ASTN2: variants seen among roughly 807,000 people sequenced by gnomAD.
ASTN2 encodes the protein astrotactin-2.
In ASTN2, 54 loss-of-function variants were observed where a neutral mutation model predicts 139.8. The observed-to-expected ratio is 0.39, with a 90% CI of 0.31 to 0.48. ASTN2 has a LOEUF of 0.48. Among genes scored for constraint, ASTN2 ranks in the 20% least tolerant of loss-of-function variants. The pLI is 0.95. For synonymous variants in ASTN2, 756 were observed against 719.5 expected, an observed-to-expected ratio of 1.05 and a Z score of -0.81; for missense variants, 1,565 against 1,725.1, an observed-to-expected ratio of 0.91 and a Z score of 1.64.
chr9:116,771,617 G>A (rs1829955632), intron 13 of ASTN2, among the ~76,000 whole-genome samples: 1 of 152,156 alleles, frequency 6.6e-6, no homozygotes, highest in African/African-American at 2.4e-5. Flanking sequence ...ATCTCAGTGT[G>A]TACTGTCTTT....
At chr9:116,647,958 G>T (rs1436285771) in intron 17 of ASTN2, among the ~76,000 whole-genome samples, 1 of 151,692 alleles carries the variant, frequency 6.6e-6, no homozygotes, top group Non-Finnish European at 1.5e-5. Context: ...CTCCAGAGTA[G>T]CTGGATGACA....
intron 2 of ASTN2, among the ~76,000 whole-genome samples, chr9:117,250,583 A>G (rs1286645663): frequency 6.6e-6 from 1 of 152,192 alleles, no homozygotes; most frequent in African/African-American, 2.4e-5. Context: ...AATTCCATAA[A>G]CACCAATGAA....
At chr9:117,263,328 T>C (rs1833869222) in intron 2 of ASTN2, among the ~76,000 whole-genome samples, 1 of 152,176 alleles carries the variant, frequency 6.6e-6, no homozygotes, top group African/African-American at 2.4e-5. Context: ...TAACTATTCC[T>C]GAAATTAAAA....
chr9:117,318,387 C>A (rs1306503015), intron 1 of ASTN2, among the ~76,000 whole-genome samples: 2 of 152,270 alleles, frequency 1.3e-5, no homozygotes, highest in Non-Finnish European at 1.5e-5. Flanking sequence ...CTGAATCCAA[C>A]ATGACCACAG....
At chr9:117,082,983 T>C (rs1828468349) in intron 5 of ASTN2, among the ~76,000 whole-genome samples, 1 of 152,218 alleles carries the variant, frequency 6.6e-6, no homozygotes, top group Admixed American at 6.5e-5. Flanking sequence ...ATGAGTCTCC[T>C]GATTACATTA....
At chr9:116,517,766 A>T (rs1167673599) in intron 19 of ASTN2, among the ~76,000 whole-genome samples, 1 of 152,140 alleles carries the variant, frequency 6.6e-6, no homozygotes, top group African/African-American at 2.4e-5. Context: ...ATGATACAGG[A>T]TATGAAAGGA....
rs530185555 is a variant in ASTN2 at position 116,881,044 on chromosome 9, T to C, written c.1890-17311A>G. Among the ~76,000 whole-genome samples, 6 of 151,938 alleles carry C rather than the reference T, an allele frequency of 3.9e-5. 1 individual carries two copies. The South Asian group carries it at 1.2e-3, about 32-fold the overall frequency. On this transcript the variant is annotated intron_variant, in intron 10 of 22. Coordinates refer to ENST00000313400, the MANE Select transcript of ASTN2 (RefSeq NM_001365068.1). ...GCCACACATGGATCTTGAAGAAAGA[T>C]GAGAACATGAGGAGGAGAAAAGGAA... is the stretch of plus-strand genomic sequence containing the variant.
chr9:117,320,887 C>G (rs1425588260), intron 1 of ASTN2, among the ~76,000 whole-genome samples: 1 of 152,192 alleles, frequency 6.6e-6, no homozygotes, highest in African/African-American at 2.4e-5. Flanking sequence ...TGTGATGGCA[C>G]AGATCAAAGG....
chr9:117,412,358 A>C (rs1334622713), intron 1 of ASTN2, among the ~76,000 whole-genome samples: 1 of 152,144 alleles, frequency 6.6e-6, no homozygotes, highest in African/African-American at 2.4e-5. Flanking sequence ...GGGACCGTGC[A>C]TCAGAGGAGG....
intron 6 of ASTN2, among the ~76,000 whole-genome samples, chr9:117,008,904 T>C (rs1588476877): frequency 1.3e-5 from 2 of 152,106 alleles, no homozygotes; most frequent in East Asian, 1.9e-4. Flanking sequence ...CAGAAAGATA[T>C]AGAGAGACAG....
chr9:116,632,580 G>T (rs1191244254), intron 17 of ASTN2, among the ~76,000 whole-genome samples: 1 of 152,160 alleles, frequency 6.6e-6, no homozygotes, highest in Non-Finnish European at 1.5e-5. Flanking sequence ...GCCATAGCCT[G>T]TCCCAGTCCT....
At chr9:116,935,460 A>G (rs1175903322) in intron 10 of ASTN2, among the ~76,000 whole-genome samples, 2 of 152,232 alleles carry the variant, frequency 1.3e-5, no homozygotes, top group Non-Finnish European at 1.5e-5. Flanking sequence ...GAAGACACTC[A>G]GTAAATGTGA....
chr9:116,668,548 A>G (rs999727404), intron 16 of ASTN2, among the ~76,000 whole-genome samples: 7 of 152,354 alleles, frequency 4.6e-5, no homozygotes, highest in Admixed American at 1.3e-4. Flanking sequence ...TTCATGGTTT[A>G]GAAGCTCATT....
intron 4 of ASTN2, among the ~76,000 whole-genome samples, chr9:117,106,596 T>A (rs1343414379): frequency 2.0e-5 from 3 of 152,200 alleles, no homozygotes; most frequent in Admixed American, 2.0e-4. Flanking sequence ...ATTGTAGAAA[T>A]GTTTTCAAAA....
intron 3 of ASTN2, among the ~76,000 whole-genome samples, chr9:117,194,795 C>A (rs1248521962): frequency 6.6e-6 from 1 of 152,134 alleles, no homozygotes; most frequent in Non-Finnish European, 1.5e-5. Flanking sequence ...GAGATGATAT[C>A]TAGATTTTGA....
At chr9:117,123,695 T>C (rs1456286598) in intron 4 of ASTN2, among the ~76,000 whole-genome samples, 1 of 152,088 alleles carries the variant, frequency 6.6e-6, no homozygotes, top group Non-Finnish European at 1.5e-5. Flanking sequence ...CTCAGAGAGG[T>C]AATTACATTA....
intron 16 of ASTN2, among the ~76,000 whole-genome samples, chr9:116,684,401 T>C (rs866410948): frequency 1.3e-5 from 2 of 152,184 alleles, no homozygotes; most frequent in South Asian, 4.2e-4. Flanking sequence ...TTGTTAGCTG[T>C]TGTTAGCTGT....
chr9:117,352,838 A>G (rs968539645), intron 1 of ASTN2, among the ~76,000 whole-genome samples: 20 of 152,214 alleles, frequency 1.3e-4, no homozygotes, highest in African/African-American at 4.3e-4. Context: ...GCCATAAAAA[A>G]GAATGAAGCT....
At chr9:116,972,853 C>T (rs936137470) in intron 10 of ASTN2, among the ~76,000 whole-genome samples, 2 of 152,174 alleles carry the variant, frequency 1.3e-5, no homozygotes, top group Non-Finnish European at 2.9e-5. Context: ...TTCCGTTTCC[C>T]TTTGACTCTG....
Sources: gnomAD v4.1 joint callset for allele counts (sites outside exome capture counted in the v4.1 genomes callset) on GRCh38, gnomAD v4.1.1 for gene constraint, MANE v1.5 for transcripts, NCBI Gene and HGNC (gene_info 2026-07-23, HGNC 2026-07-21) for gene names.